The following CNTN4 variants were observed in gnomAD, a reference collection of about 807,000 sequenced individuals.
CNTN4 encodes contactin 4.
Under a neutral mutation model 122.5 loss-of-function variants are expected in CNTN4, and 77 were observed. The ratio of observed to expected loss-of-function variants is 0.63; its 90% CI spans 0.52 to 0.76. CNTN4 has a LOEUF of 0.76. CNTN4 is among the 30% of genes least tolerant of loss of function. The pLI is 0.00. For missense variants in CNTN4, 1,256 were observed against 1,259.1 expected (o/e 1.00, Z 0.04); for synonymous variants, 512 against 447.0 (o/e 1.15, Z -1.83).
At chr3:2,152,140 C>T (rs550538710) in intron 2 of CNTN4, among the ~76,000 whole-genome samples, 10 of 152,158 alleles carry the variant, frequency 6.6e-5, no homozygotes, top group East Asian at 1.9e-4. Context: ...TTGAAGGAGA[C>T]GGGGCAAGTT....
At chr3:2,930,716 ACT>A (rs763525611) in intron 13 of CNTN4, among the ~76,000 whole-genome samples, 2 of 151,988 alleles carry the variant, frequency 1.3e-5, no homozygotes, top group Non-Finnish European at 2.9e-5. Context: ...CAGCAGCATG[ACT>A]CTGTTTTGTG....
intron 3 of CNTN4, among the ~76,000 whole-genome samples, chr3:2,425,851 T>C (rs567207733): frequency 3.9e-5 from 6 of 152,214 alleles, no homozygotes; most frequent in Non-Finnish European, 7.3e-5. Context: ...AGTTCACTCA[T>C]GATTTGGCTC....
intron 13 of CNTN4, among the ~76,000 whole-genome samples, chr3:2,937,260 C>A (rs969262710): frequency 6.6e-6 from 1 of 152,170 alleles, no homozygotes; most frequent in African/African-American, 2.4e-5. Context: ...CGAATTATCT[C>A]ACTTTGCTCT....
At chr3:2,562,341 A>G (rs994237102) in intron 3 of CNTN4, among the ~76,000 whole-genome samples, 16 of 152,258 alleles carry the variant, frequency 1.1e-4, no homozygotes, top group African/African-American at 3.6e-4. Context: ...AGCAGTGAGC[A>G]TAGTACCCAA....
chr3:2,942,850 A>G (rs2094629544), intron 13 of CNTN4, among the ~76,000 whole-genome samples: 1 of 152,190 alleles, frequency 6.6e-6, no homozygotes, highest in African/African-American at 2.4e-5. Context: ...CTGGAAATCA[A>G]TTTTGCTGCA....
At chr3:2,370,283 C>G (rs1372735246) in intron 3 of CNTN4, among the ~76,000 whole-genome samples, 1 of 151,810 alleles carries the variant, frequency 6.6e-6, no homozygotes, top group East Asian at 1.9e-4. Flanking sequence ...CTGTAGTATG[C>G]CTGAATCCAT....
At chr3:2,888,945 G>A (rs938946491) in intron 10 of CNTN4, among the ~76,000 whole-genome samples, 7 of 151,750 alleles carry the variant, frequency 4.6e-5, no homozygotes, top group Non-Finnish European at 7.4e-5. Flanking sequence ...GGGAGGCTAC[G>A]CTTCCTAGCC....
chr3:3,049,092 T>C (rs1230573532), intron 23 of CNTN4, among the ~76,000 whole-genome samples: 1 of 152,208 alleles, frequency 6.6e-6, no homozygotes, highest in African/African-American at 2.4e-5. Flanking sequence ...TTTTATTTTG[T>C]TGTATTTTGA....
chr3:2,175,938 A>AC (rs2036729334), intron 2 of CNTN4, among the ~76,000 whole-genome samples: 1 of 152,070 alleles, frequency 6.6e-6, no homozygotes, highest in African/African-American at 2.4e-5. Context: ...CTCTTTACCA[A>AC]CCCCTTCATC....
chr3:2,326,066 T>C (rs904673922), intron 2 of CNTN4, among the ~76,000 whole-genome samples: 1 of 152,162 alleles, frequency 6.6e-6, no homozygotes, highest in African/African-American at 2.4e-5. Flanking sequence ...TTAGTCTGGG[T>C]ATTTCTGTGA....
chr3:2,510,383 TTG>T (rs1172109960), intron 3 of CNTN4, among the ~76,000 whole-genome samples: 2 of 150,752 alleles, frequency 1.3e-5, no homozygotes, highest in Non-Finnish European at 3.0e-5. Flanking sequence ...GGGTTTTTTT[TTG>T]TTGTTTATTT....
chr3:2,394,176 T>C lies in CNTN4; in HGVS notation c.-89+54943T>C, dbSNP rs76192297. On this transcript the variant is annotated intron_variant, in intron 3 of 24. Coordinates refer to ENST00000418658, the MANE Select transcript of CNTN4 (RefSeq NM_175607.3). ...GTTTAAAAAGGAAGTTGTTTTTTTT[T>C]TAATATTGAGAATGAAAAAAAGGCA... Among the ~76,000 whole-genome samples the C allele has an allele frequency of 4.0e-3, 604 of 152,096 alleles. 5 individuals are homozygous for C. The highest frequency in any genetic ancestry group is 0.013 in the African/African-American group (553 of 41,466).
At chr3:2,445,935 T>C (rs1457276033) in intron 3 of CNTN4, among the ~76,000 whole-genome samples, 1 of 152,146 alleles carries the variant, frequency 6.6e-6, no homozygotes, top group Non-Finnish European at 1.5e-5. Flanking sequence ...GTTGTATGAT[T>C]CTTGAGGGTA....
chr3:2,572,287 G>A (rs986091097), intron 4 of CNTN4, among the ~76,000 whole-genome samples: 6 of 152,184 alleles, frequency 3.9e-5, no homozygotes, highest in African/African-American at 1.4e-4. Context: ...TCGGGGAGCT[G>A]AGGCAGGAGA....
chr3:2,510,003 G>A (rs2149064735), intron 3 of CNTN4, among the ~76,000 whole-genome samples: 1 of 152,202 alleles, frequency 6.6e-6, no homozygotes, highest in East Asian at 1.9e-4. Flanking sequence ...AACTAAATAA[G>A]ACCATTTCCT....
chr3:2,651,216 A>T (rs1391749939), intron 4 of CNTN4, among the ~76,000 whole-genome samples: 2 of 152,038 alleles, frequency 1.3e-5, no homozygotes, highest in Non-Finnish European at 1.5e-5. Context: ...ACCTCCTTTG[A>T]TCTCATCTTT....
chr3:2,850,864 C>A (rs1577051919), intron 7 of CNTN4, among the ~76,000 whole-genome samples: 1 of 152,020 alleles, frequency 6.6e-6, no homozygotes. Context: ...AAACTTTTAA[C>A]TTAAGAATGT....
chr3:2,879,811 T>C (rs566843647), intron 8 of CNTN4, among the ~76,000 whole-genome samples: 2 of 152,178 alleles, frequency 1.3e-5, no homozygotes, highest in African/African-American at 4.8e-5. Context: ...AACCATTGGA[T>C]TGCACACTTA....
intron 4 of CNTN4, among the ~76,000 whole-genome samples, chr3:2,708,938 T>A (rs2086925914): frequency 1.3e-5 from 2 of 152,224 alleles, no homozygotes; most frequent in Non-Finnish European, 2.9e-5. Context: ...TACCCAATCA[T>A]GTATGGATGA....
Sources: allele counts gnomAD v4.1 joint callset (sites outside exome capture counted in the v4.1 genomes callset), GRCh38; gene constraint gnomAD v4.1.1; transcripts MANE v1.5; gene names NCBI Gene and HGNC (gene_info 2026-07-23, HGNC 2026-07-21).